Variants in PAK5 observed in about 807,000 individuals in gnomAD.
PAK5 encodes serine/threonine-protein kinase PAK 5.
A neutral mutation model predicts 65.9 loss-of-function variants in PAK5; 16 were observed. The ratio of observed to expected loss-of-function variants is 0.24; its 90% CI spans 0.16 to 0.37. The LOEUF (loss-of-function observed/expected upper bound fraction) is 0.37, where lower values mean the gene tolerates loss of function less well. Among genes scored for constraint, PAK5 ranks in the 10% least tolerant of loss-of-function variants. The probability of loss-of-function intolerance (pLI) is 1.00; values close to 1 mark genes in which losing one functional copy is unlikely to be tolerated. For synonymous variants in PAK5, 371 were observed against 354.9 expected (o/e 1.05, Z -0.51); for missense variants, 785 against 903.9 (o/e 0.87, Z 1.69).
At chr20:9,670,471 G>C (rs557659871) in intron 2 of PAK5, among the ~76,000 whole-genome samples, 48 of 152,208 alleles carry the variant, frequency 3.2e-4, no homozygotes, top group African/African-American at 1.1e-3. Flanking sequence ...ATTCTAACTG[G>C]TGTGAGATGG....
chr20:9,689,061 G>A (rs1318457016), intron 2 of PAK5, among the ~76,000 whole-genome samples: 2 of 152,152 alleles, frequency 1.3e-5, no homozygotes, highest in African/African-American at 4.8e-5. Flanking sequence ...TAAGAGAAGT[G>A]ATATTTCAAA....
intron 7 of PAK5, among the ~76,000 whole-genome samples, chr20:9,554,713 T>C (rs2045481074): frequency 6.6e-6 from 1 of 152,152 alleles, no homozygotes; most frequent in Non-Finnish European, 1.5e-5. Context: ...CCATTTCTGC[T>C]CTCTTTTAAA....
chr20:9,543,781 C>A (rs1255621503), intron 8 of PAK5, among the ~76,000 whole-genome samples: 4 of 152,158 alleles, frequency 2.6e-5, no homozygotes, highest in African/African-American at 9.7e-5. Context: ...TCTGGCCCTG[C>A]ATTTTCACAT....
At chr20:9,752,972 T>C (rs2048593311) in intron 1 of PAK5, among the ~76,000 whole-genome samples, 1 of 152,116 alleles carries the variant, frequency 6.6e-6, no homozygotes, top group South Asian at 2.1e-4. Context: ...TGAGAACAAG[T>C]CTTCTGCAAT....
intron 1 of PAK5, among the ~76,000 whole-genome samples, chr20:9,724,861 A>T (rs546238604): frequency 2.0e-5 from 3 of 152,242 alleles, no homozygotes; most frequent in African/African-American, 7.2e-5. Context: ...ATAGTAAAAA[A>T]AAATTTTAAT....
chr20:9,827,680 A>G (rs369442689), intron 1 of PAK5, among the ~76,000 whole-genome samples: 9 of 152,260 alleles, frequency 5.9e-5, no homozygotes, highest in African/African-American at 9.6e-5. Flanking sequence ...AAGGTGTGAT[A>G]CTCAGATAAC....
intron 1 of PAK5, among the ~76,000 whole-genome samples, chr20:9,744,073 T>A (rs2048480242): frequency 6.6e-6 from 1 of 152,196 alleles, no homozygotes; most frequent in African/African-American, 2.4e-5. Flanking sequence ...AATGCTGGAA[T>A]CCACCAGAAG....
intron 2 of PAK5, among the ~76,000 whole-genome samples, chr20:9,704,507 A>G (rs6086987): frequency 0.077 from 11,722 of 152,168 alleles, 642 homozygotes; most frequent in Non-Finnish European, 0.11. Context: ...CCTGCCTGCC[A>G]GGGTTTATTT....
At position 9,580,253 on chromosome 20, in the gene PAK5, T is replaced by C; in HGVS notation, c.882A>G (p.Glu294=). The part of the protein sequence containing the change: ...QRSRSGSGLQ[E]PMMPFGASAF... The stretch of plus-strand genomic sequence containing the variant: ...CACTTGCTCCAAATGGCATCATCGG[T>C]TCCTGGAGTCCCGAGCCTGACCTGG... The change falls in exon 4 of 10, where the codon GAA becomes GAG. Residue 294 remains glutamate (E), a synonymous_variant. Coordinates refer to ENST00000353224, the MANE Select transcript of PAK5 (RefSeq NM_177990.4). 6.2e-7 allele frequency: 1 copy of C among 1,614,000 alleles called. No individual in the cohort carries two copies. Among genetic ancestry groups the C allele is most frequent in the Non-Finnish European group, 8.5e-7 (1 of 1,179,992 alleles).
intron 3 of PAK5, among the ~76,000 whole-genome samples, chr20:9,623,948 G>A (rs1278279035): frequency 6.6e-6 from 1 of 152,128 alleles, no homozygotes; most frequent in Non-Finnish European, 1.5e-5. Context: ...TTACTGGTGG[G>A]GAGTACACTG....
At chr20:9,800,287 T>C (rs1268301372) in intron 1 of PAK5, among the ~76,000 whole-genome samples, 4 of 152,142 alleles carry the variant, frequency 2.6e-5, no homozygotes, top group Non-Finnish European at 4.4e-5. Flanking sequence ...CTATTGAAAT[T>C]TCTATCACAG....
chr20:9,548,580 C>T (rs573576490), intron 7 of PAK5, among the ~76,000 whole-genome samples: 2 of 152,306 alleles, frequency 1.3e-5, no homozygotes, highest in Admixed American at 1.3e-4. Context: ...GGGACAACAA[C>T]TCTGCTTTCT....
chr20:9,829,751 C>A (rs1600420389), intron 1 of PAK5, among the ~76,000 whole-genome samples: 1 of 151,950 alleles, frequency 6.6e-6, no homozygotes, highest in East Asian at 1.9e-4. Flanking sequence ...ATAAATCAAG[C>A]TAAAAAAATG....
chr20:9,631,311 A>G (rs890675553), intron 3 of PAK5, among the ~76,000 whole-genome samples: 3 of 152,148 alleles, frequency 2.0e-5, no homozygotes, highest in Admixed American at 6.5e-5. Context: ...CTGTGTCGTT[A>G]CATGTCAAAG....
intron 2 of PAK5, among the ~76,000 whole-genome samples, chr20:9,679,124 G>T (rs970818801): frequency 6.6e-6 from 1 of 151,956 alleles, no homozygotes; most frequent in African/African-American, 2.4e-5. Flanking sequence ...ATATACAATG[G>T]TCCACTTCCA....
chr20:9,554,274 T>C (rs1408929286), intron 7 of PAK5, among the ~76,000 whole-genome samples: 2 of 152,210 alleles, frequency 1.3e-5, no homozygotes, highest in African/African-American at 4.8e-5. Context: ...GAAAGTAATG[T>C]TATTTGATTC....
At chr20:9,700,931 T>C (rs2047931472) in intron 2 of PAK5, among the ~76,000 whole-genome samples, 2 of 152,162 alleles carry the variant, frequency 1.3e-5, no homozygotes. Flanking sequence ...TAGGAGGTTT[T>C]ATATTAGAAA....
At chr20:9,830,483 A>C (rs2123787801) in intron 1 of PAK5, among the ~76,000 whole-genome samples, 1 of 152,322 alleles carries the variant, frequency 6.6e-6, no homozygotes, top group South Asian at 2.1e-4. Flanking sequence ...TGGTGAACTA[A>C]ACTCAAACAT....
At chr20:9,596,635 CAAA>C (rs35576059) in intron 3 of PAK5, among the ~76,000 whole-genome samples, 2,134 of 52,590 alleles carry the variant, frequency 0.041, 19 homozygotes, top group African/African-American at 0.12. Context: ...GACTCCGTCT[CAAA>C]AAAAAAAAAA....
Sources: allele counts gnomAD v4.1 joint callset (sites outside exome capture counted in the v4.1 genomes callset), GRCh38; gene constraint gnomAD v4.1.1; transcripts MANE v1.5; gene names NCBI Gene and HGNC (gene_info 2026-07-23, HGNC 2026-07-21).